SLC10A7: variants seen among roughly 807,000 people sequenced by gnomAD.
SLC10A7 encodes the protein sodium/bile acid cotransporter 7.
Under a neutral mutation model 43.2 loss-of-function variants are expected in SLC10A7, and 29 were observed. The ratio of observed to expected loss-of-function variants is 0.67; its 90% confidence interval spans 0.50 to 0.92. The LOEUF is 0.92. Ranked by LOEUF, SLC10A7 falls within the 40% of genes least tolerant of loss-of-function variation. The pLI is 0.00. For missense variants in SLC10A7, 295 were observed against 403.2 expected, an observed-to-expected ratio of 0.73 and a Z score of 2.30; for synonymous variants, 152 against 144.8, an observed-to-expected ratio of 1.05 and a Z score of -0.35.
intron 4 of SLC10A7, among the ~76,000 whole-genome samples, chr4:146,457,170 A>G (rs1560926854): frequency 6.6e-6 from 1 of 151,868 alleles, no homozygotes; most frequent in East Asian, 1.9e-4. Context: ...TAATTTTCAT[A>G]TCTTGAAATT....
chr4:146,511,757 T>A (rs1046624896), intron 2 of SLC10A7, among the ~76,000 whole-genome samples: 1 of 152,088 alleles, frequency 6.6e-6, no homozygotes, highest in African/African-American at 2.4e-5. Flanking sequence ...AAGCAAGCCA[T>A]CCTTACAGTG....
intron 4 of SLC10A7, among the ~76,000 whole-genome samples, chr4:146,491,710 AGG>A (rs1177213054): frequency 4.2e-4 from 62 of 148,764 alleles, no homozygotes; most frequent in African/African-American, 1.5e-3. Flanking sequence ...GAAGGAAGGA[AGG>A]AAGGAAGGAA....
chr4:146,385,327 C>T (rs148888356), intron 5 of SLC10A7, among the ~76,000 whole-genome samples: 9 of 152,138 alleles, frequency 5.9e-5, no homozygotes, highest in Admixed American at 2.0e-4. Flanking sequence ...AAAGTAACTG[C>T]GGTTTTTGCC....
chr4:146,287,505 C>G (rs1730114803), intron 9 of SLC10A7, among the ~76,000 whole-genome samples: 1 of 152,088 alleles, frequency 6.6e-6, no homozygotes, highest in African/African-American at 2.4e-5. Flanking sequence ...CAAGTTATGT[C>G]AGAGATTTTA....
intron 7 of SLC10A7, among the ~76,000 whole-genome samples, chr4:146,298,741 TTTTC>T (rs1730956907): frequency 6.6e-6 from 1 of 152,182 alleles, no homozygotes; most frequent in Non-Finnish European, 1.5e-5. Context: ...CCGGCACAAA[TTTTC>T]TTTCTTTCTA....
At chr4:146,267,842 A>G (rs927176832) in intron 10 of SLC10A7, among the ~76,000 whole-genome samples, 1 of 152,148 alleles carries the variant, frequency 6.6e-6, no homozygotes, top group Non-Finnish European at 1.5e-5. Flanking sequence ...AGGATTTCCA[A>G]ATTGCTAAAT....
At chr4:146,513,889 T>G (rs1245777465) in intron 2 of SLC10A7, 1 of 152,204 alleles carries the variant, frequency 6.6e-6, no homozygotes, top group Non-Finnish European at 1.5e-5. Flanking sequence ...TCATGAATAA[T>G]CAAAAAGTTG....
Position 146,471,343 on chromosome 4 carries a change from A to C in SLC10A7, c.397-28522T>G, listed in dbSNP as rs181392403. On this transcript the variant is annotated intron_variant, in intron 4 of 11. Transcript: ENST00000335472. ...TAGAAGTTATCTAGAACACTGGACC[A>C]ACTGGGTTTTCTTTTCCATTCAGTT... is the stretch of plus-strand genomic sequence containing the variant. Among the ~76,000 whole-genome samples the C allele has an allele frequency of 2.8e-4, 43 of 152,340 alleles. No homozygotes were observed. The East Asian group carries it at 6.9e-3, about 25-fold the overall frequency.
intron 5 of SLC10A7, among the ~76,000 whole-genome samples, chr4:146,436,299 A>T (rs1480996062): frequency 6.6e-6 from 1 of 152,152 alleles, no homozygotes; most frequent in African/African-American, 2.4e-5. Context: ...TTTTATTTAC[A>T]ATGATTGTAC....
chr4:146,440,113 A>G (rs1730484048), intron 5 of SLC10A7, among the ~76,000 whole-genome samples: 1 of 152,108 alleles, frequency 6.6e-6, no homozygotes, highest in African/African-American at 2.4e-5. Context: ...CTTTCTTAGT[A>G]ACAGAAATCT....
At chr4:146,283,638 T>G (rs1729691755) in intron 9 of SLC10A7, among the ~76,000 whole-genome samples, 1 of 152,208 alleles carries the variant, frequency 6.6e-6, no homozygotes, top group Non-Finnish European at 1.5e-5. Context: ...AATGCTCTTT[T>G]CAAGGAGCAA....
intron 4 of SLC10A7, among the ~76,000 whole-genome samples, chr4:146,498,802 T>C (rs774838389): frequency 6.6e-6 from 1 of 152,212 alleles, no homozygotes; most frequent in Non-Finnish European, 1.5e-5. Context: ...GAAACAATAA[T>C]AACCTAAGTT....
At chr4:146,337,088 T>G (rs1176110165) in intron 5 of SLC10A7, among the ~76,000 whole-genome samples, 1 of 152,044 alleles carries the variant, frequency 6.6e-6, no homozygotes, top group Admixed American at 6.6e-5. Flanking sequence ...TGTGGGAACT[T>G]TCTATCATTT....
chr4:146,429,091 T>G (rs1729585461), intron 5 of SLC10A7, among the ~76,000 whole-genome samples: 1 of 152,158 alleles, frequency 6.6e-6, no homozygotes, highest in South Asian at 2.1e-4. Flanking sequence ...AATTTCCACT[T>G]CCATTCCAAA....
intron 4 of SLC10A7, among the ~76,000 whole-genome samples, chr4:146,454,173 C>T (rs767987824): frequency 6.6e-6 from 1 of 151,872 alleles, no homozygotes; most frequent in Non-Finnish European, 1.5e-5. Context: ...TTAAGGGTTA[C>T]AGGTTCACAA....
At chr4:146,303,076 G>A (rs1320422083) in intron 7 of SLC10A7, among the ~76,000 whole-genome samples, 2 of 152,182 alleles carry the variant, frequency 1.3e-5, no homozygotes, top group Admixed American at 6.5e-5. Context: ...ATGGAGGGTA[G>A]GAGGGAAGCC....
chr4:146,484,438 C>A (rs1398342647), intron 4 of SLC10A7, among the ~76,000 whole-genome samples: 1 of 152,078 alleles, frequency 6.6e-6, no homozygotes, highest in Non-Finnish European at 1.5e-5. Flanking sequence ...GACTATATGT[C>A]TATCAAACAT....
At chr4:146,491,563 G>A (rs759481428) in intron 4 of SLC10A7, among the ~76,000 whole-genome samples, 2 of 151,910 alleles carry the variant, frequency 1.3e-5, no homozygotes, top group Non-Finnish European at 2.9e-5. Context: ...GAAAAAAGGC[G>A]AGGGAAAGAA....
intron 4 of SLC10A7, among the ~76,000 whole-genome samples, chr4:146,476,287 T>C (rs1734022063): frequency 1.3e-5 from 2 of 152,132 alleles, no homozygotes; most frequent in Non-Finnish European, 2.9e-5. Flanking sequence ...TTGTGGAAGA[T>C]ACGCTGCACA....
Sources: allele counts gnomAD v4.1 joint callset (sites outside exome capture counted in the v4.1 genomes callset), GRCh38; gene constraint gnomAD v4.1.1; transcripts MANE v1.5; gene names NCBI Gene and HGNC (gene_info 2026-07-23, HGNC 2026-07-21).